Variants in SLIT3 observed in about 807,000 individuals in gnomAD.
SLIT3 encodes slit homolog 3 protein.
Under a neutral mutation model 184.0 loss-of-function variants are expected in SLIT3, and 68 were observed. The ratio of observed to expected loss-of-function variants is 0.37; its 90% CI spans 0.30 to 0.45. The LOEUF is 0.45. SLIT3 is among the 20% of genes least tolerant of loss of function. The pLI is 1.00. For synonymous variants in SLIT3, 831 were observed against 828.6 expected, an observed-to-expected ratio of 1.00 and a Z score of -0.05; for missense variants, 1,707 against 2,026.0, an observed-to-expected ratio of 0.84 and a Z score of 3.02.
Position 168,875,766 on chromosome 5 carries a change from G to A in SLIT3, c.485+7499C>T, listed in dbSNP as rs568816461. ...AGGAATGAGGGGGAAGGGAGGATAA[G>A]AGGGAGGAAAAAAAGGAAGAAAGGA... is the stretch of plus-strand genomic sequence containing the variant. On this transcript the variant is annotated intron_variant, in intron 5 of 35. Transcript: ENST00000519560. Among the ~76,000 whole-genome samples, 9 of 152,052 alleles carry A rather than the reference G, an allele frequency of 5.9e-5. No individual in the cohort carries two copies. The South Asian group carries it at 1.7e-3, about 28-fold the overall frequency.
chr5:168,961,546 G>A (rs2113284182), intron 4 of SLIT3, among the ~76,000 whole-genome samples: 1 of 152,308 alleles, frequency 6.6e-6, no homozygotes, highest in African/African-American at 2.4e-5. Flanking sequence ...CAAAATGTGA[G>A]TGTTATAGGA....
intron 9 of SLIT3, among the ~76,000 whole-genome samples, chr5:168,796,331 A>G (rs1756563670): frequency 6.6e-6 from 1 of 152,128 alleles, no homozygotes; most frequent in East Asian, 1.9e-4. Context: ...GGCCGTGGGG[A>G]ATGAGTGAGC....
At chr5:169,118,885 T>A (rs1021130690) in intron 4 of SLIT3, among the ~76,000 whole-genome samples, 2 of 152,224 alleles carry the variant, frequency 1.3e-5, no homozygotes, top group African/African-American at 4.8e-5. Context: ...AGTCACATAA[T>A]TTTTAATTTT....
chr5:168,725,473 A>G (rs1763081182), intron 20 of SLIT3, among the ~76,000 whole-genome samples: 1 of 152,210 alleles, frequency 6.6e-6, no homozygotes, highest in Admixed American at 6.5e-5. Context: ...GCTTACAAGA[A>G]CTGCTTTGAT....
At chr5:169,019,632 A>C (rs1311591664) in intron 4 of SLIT3, among the ~76,000 whole-genome samples, 2 of 152,158 alleles carry the variant, frequency 1.3e-5, no homozygotes, top group Non-Finnish European at 2.9e-5. Flanking sequence ...ATCACCTGCT[A>C]CCTCTACCAC....
Position 168,692,462 on chromosome 5 carries a change from T to C in SLIT3, c.3176+145A>G, listed in dbSNP as rs898427183. On this transcript the variant is annotated intron_variant, in intron 29 of 35. Coordinates refer to ENST00000519560, the MANE Select transcript of SLIT3 (RefSeq NM_003062.4). Reference sequence around the variant, plus strand: ...CGCATAGGGAAACAGACTGAGATAATTAGATCATGGCTGAATCAGAGATGC... The same window carrying C: ...CGCATAGGGAAACAGACTGAGATAACTAGATCATGGCTGAATCAGAGATGC... 66 of 587,856 alleles carry C rather than the reference T, an allele frequency of 1.1e-4. No homozygotes were observed. In the Admixed American group the frequency reaches 1.9e-3, roughly 17 times the overall value. 36.4% of individuals were successfully genotyped at this position (587,856 alleles called of 1,614,324 possible).
intron 20 of SLIT3, among the ~76,000 whole-genome samples, chr5:168,735,703 C>T (rs1763415221): frequency 6.9e-6 from 1 of 144,220 alleles, no homozygotes; most frequent in Admixed American, 6.8e-5. Context: ...CACACACACA[C>T]ACATCTCCAT....
At chr5:169,189,836 G>T (rs1305407962) in intron 4 of SLIT3, among the ~76,000 whole-genome samples, 1 of 151,974 alleles carries the variant, frequency 6.6e-6, no homozygotes, top group Non-Finnish European at 1.5e-5. Flanking sequence ...GTTGTTAGGA[G>T]AATTAAATGA....
chr5:168,902,183 C>A (rs1760894337), intron 4 of SLIT3, among the ~76,000 whole-genome samples: 2 of 152,174 alleles, frequency 1.3e-5, no homozygotes, highest in Admixed American at 1.3e-4. Context: ...AGCCACTGTG[C>A]CTGGCCTGAA....
At chr5:169,065,263 T>C (rs543950509) in intron 4 of SLIT3, among the ~76,000 whole-genome samples, 5 of 152,166 alleles carry the variant, frequency 3.3e-5, no homozygotes, top group Admixed American at 6.5e-5. Flanking sequence ...CTGATGAACA[T>C]TCAGTATTCA....
At chr5:168,763,265 C>T (rs1248167840) in intron 14 of SLIT3, among the ~76,000 whole-genome samples, 1 of 152,016 alleles carries the variant, frequency 6.6e-6, no homozygotes, top group Admixed American at 6.6e-5. Context: ...TGACCATCGA[C>T]GCCTGGCTGT....
intron 29 of SLIT3, among the ~76,000 whole-genome samples, chr5:168,692,400 A>T (rs1236348630): frequency 6.6e-6 from 1 of 152,130 alleles, no homozygotes; most frequent in Non-Finnish European, 1.5e-5. Context: ...CTGTCTATCT[A>T]CAGAGACTTA....
intron 15 of SLIT3, 61 bp from the exon 16 acceptor site, chr5:168,760,997 C>G (rs1048344145): frequency 1.6e-6 from 2 of 1,283,080 alleles, no homozygotes; most frequent in East Asian, 4.6e-5. Context: ...CTTCCACCCC[C>G]CATGGCTTTG....
At chr5:168,988,780 C>T (rs544473918) in intron 4 of SLIT3, among the ~76,000 whole-genome samples, 7 of 152,158 alleles carry the variant, frequency 4.6e-5, no homozygotes, top group South Asian at 2.1e-4. Context: ...GAGACCCCCC[C>T]CCAGGGGCAG....
At chr5:168,891,010 A>G (rs1288590888) in intron 4 of SLIT3, among the ~76,000 whole-genome samples, 1 of 152,220 alleles carries the variant, frequency 6.6e-6, no homozygotes, top group East Asian at 1.9e-4. Context: ...CAATTCTCTG[A>G]ATCTCAACTT....
chr5:168,907,530 C>T (rs79101257), intron 4 of SLIT3, among the ~76,000 whole-genome samples: 2,269 of 152,244 alleles, frequency 0.015, 32 homozygotes, highest in Non-Finnish European at 0.023. Flanking sequence ...TGTGATAAAA[C>T]GAATGACTTC....
At chr5:168,809,080 G>A (rs28605645) in intron 8 of SLIT3, among the ~76,000 whole-genome samples, 45 of 152,182 alleles carry the variant, frequency 3.0e-4, no homozygotes, top group Admixed American at 2.6e-4. Flanking sequence ...TGTTGGAAAA[G>A]GGGAAAGAAA....
chr5:168,880,676 A>T (rs553051116), intron 5 of SLIT3, among the ~76,000 whole-genome samples: 1 of 152,332 alleles, frequency 6.6e-6, no homozygotes, highest in East Asian at 1.9e-4. Context: ...TCCTCATTTT[A>T]TACAGTGGAA....
At chr5:169,079,540 GGAA>G (rs1468860052) in intron 4 of SLIT3, among the ~76,000 whole-genome samples, 1 of 111,256 alleles carries the variant, frequency 9.0e-6, no homozygotes, top group Non-Finnish European at 1.9e-5. Context: ...AGGAGGAGGA[GGAA>G]GAAGGAGGAA....
Sources: allele counts gnomAD v4.1 joint callset (sites outside exome capture counted in the v4.1 genomes callset), GRCh38; gene constraint gnomAD v4.1.1; transcripts MANE v1.5; gene names NCBI Gene and HGNC (gene_info 2026-07-23, HGNC 2026-07-21).